Variants in SHANK2 observed in about 807,000 individuals in gnomAD.
SHANK2 encodes SH3 and multiple ankyrin repeat domains protein 2.
A neutral mutation model predicts 133.7 loss-of-function variants in SHANK2; 43 were observed. That is an observed-to-expected ratio of 0.32 (90% CI 0.25 to 0.41). The LOEUF is 0.41. Ranked by LOEUF, SHANK2 falls within the 10% of genes least tolerant of loss-of-function variation. The pLI, the probability that SHANK2 is intolerant of heterozygous loss-of-function variation, is 1.00. For synonymous variants in SHANK2, 1,017 were observed against 952.8 expected (o/e 1.07, Z -1.24); for missense variants, 1,994 against 2,235.8 (o/e 0.89, Z 2.18).
chr11:71,123,303 C>T (rs1287409638), intron 3 of SHANK2, among the ~76,000 whole-genome samples: 2 of 152,172 alleles, frequency 1.3e-5, no homozygotes, highest in African/African-American at 4.8e-5. Flanking sequence ...CTGAGGTCAC[C>T]ATTTGTAGTG....
At chr11:71,226,327 T>A (rs556794252) in intron 1 of SHANK2, among the ~76,000 whole-genome samples, 34 of 152,042 alleles carry the variant, frequency 2.2e-4, no homozygotes, top group African/African-American at 8.2e-4. Context: ...TATGGGACAA[T>A]AATAAAATAC....
chr11:70,876,757 G>A (rs1949572512), intron 11 of SHANK2, among the ~76,000 whole-genome samples: 1 of 152,146 alleles, frequency 6.6e-6, no homozygotes, highest in Non-Finnish European at 1.5e-5. Context: ...GGAAATAACA[G>A]GGCTGCTGCT....
At chr11:70,822,923 G>C (rs1387963587) in intron 11 of SHANK2, among the ~76,000 whole-genome samples, 20 of 31,418 alleles carry the variant, frequency 6.4e-4, no homozygotes, top group Admixed American at 1.7e-3. Context: ...ACTGGCAGAG[G>C]TCACGGGGGA....
At chr11:71,203,513 T>C (rs1239859862) in intron 2 of SHANK2, among the ~76,000 whole-genome samples, 2 of 151,970 alleles carry the variant, frequency 1.3e-5, no homozygotes, top group South Asian at 2.1e-4. Flanking sequence ...CCCAGGACAA[T>C]TGCTTGAACT....
intron 2 of SHANK2, among the ~76,000 whole-genome samples, chr11:71,169,154 G>C (rs1434976223): frequency 6.6e-6 from 1 of 152,222 alleles, no homozygotes; most frequent in Non-Finnish European, 1.5e-5. Context: ...GAGACACTTG[G>C]TTGGTTACAA....
At chr11:71,224,955 C>T (rs1452330735) in intron 1 of SHANK2, among the ~76,000 whole-genome samples, 159 bp from the exon 2 acceptor site, 2 of 152,314 alleles carry the variant, frequency 1.3e-5, no homozygotes, top group East Asian at 1.9e-4. Context: ...CTATTCCTCA[C>T]ACAAAGCACA....
At chr11:71,082,803 C>T (rs1479744704) in intron 8 of SHANK2, among the ~76,000 whole-genome samples, 7 of 152,282 alleles carry the variant, frequency 4.6e-5, no homozygotes, top group East Asian at 1.9e-4. Context: ...CATTTAAATG[C>T]GATAAATAAC....
intron 2 of SHANK2, among the ~76,000 whole-genome samples, chr11:71,158,070 C>T (rs1461333406): frequency 2.0e-5 from 3 of 152,128 alleles, no homozygotes; most frequent in African/African-American, 7.2e-5. Flanking sequence ...TTCCCAAACT[C>T]GAACAGAGCA....
rs546177273 is a variant in SHANK2, at chr11:70,540,163, T to G, written c.2062-37232A>C. ...ACTCTGAGGTAATGGGGGTTAGGGC[T>G]TCAACGTAAGAATCCAGGGGAACAC... On this transcript the variant is annotated intron_variant, in intron 17 of 25. Coordinates refer to ENST00000601538, the MANE Select transcript of SHANK2 (RefSeq NM_012309.5). Among the ~76,000 whole-genome samples the G allele has an allele frequency of 7.2e-5, 11 of 152,290 alleles. No individual in the cohort carries two copies. The South Asian group carries it at 2.3e-3, about 32-fold the overall frequency.
chr11:70,551,202 C>T (rs2059763261), intron 17 of SHANK2, among the ~76,000 whole-genome samples: 1 of 152,146 alleles, frequency 6.6e-6, no homozygotes, highest in Non-Finnish European at 1.5e-5. Flanking sequence ...CAGAAACTTC[C>T]CCTGGTGTTG....
At chr11:70,954,136 T>C (rs1950883468) in intron 10 of SHANK2, among the ~76,000 whole-genome samples, 1 of 152,214 alleles carries the variant, frequency 6.6e-6, no homozygotes, top group Non-Finnish European at 1.5e-5. Flanking sequence ...GCCATGACCT[T>C]GTTCCCACAT....
chr11:71,245,046 T>C (rs1954942812), intron 1 of SHANK2, among the ~76,000 whole-genome samples: 1 of 151,940 alleles, frequency 6.6e-6, no homozygotes, highest in Non-Finnish European at 1.5e-5. Context: ...AGTGGCGTGA[T>C]CACGGCTCAC....
In SHANK2 at chr11:71,143,218, G is replaced by A. The variant is rs149318360; in HGVS notation, c.207+3902C>T. On this transcript the variant is annotated intron_variant, in intron 3 of 25. Coordinates refer to ENST00000601538, the MANE Select transcript of SHANK2 (RefSeq NM_012309.5). Reference sequence around the variant, plus strand: ...CCACTGCACACCAGCCTGGGTGACAGGGTGAGACTCCATCTCAAAAAACAA... The same window carrying A: ...CCACTGCACACCAGCCTGGGTGACAAGGTGAGACTCCATCTCAAAAAACAA... Among the ~76,000 whole-genome samples the A allele has an allele frequency of 5.8e-4, 88 of 152,228 alleles. 1 individual carries two copies. The highest frequency in any genetic ancestry group is 2.0e-3 in the African/African-American group (83 of 41,510).
In SHANK2 at chr11:70,500,753, TC is replaced by T. The variant is rs1361791253; in HGVS notation, c.2288-164del. The T allele has an allele frequency of 1.1e-6, 1 of 924,790 alleles. No individual in the cohort carries two copies. The highest frequency in any genetic ancestry group is 1.7e-6 in the Non-Finnish European group (1 of 574,774). 57.3% of individuals were successfully genotyped at this position (924,790 alleles called of 1,614,324 possible). A position where few individuals can be genotyped will look rare whatever the true frequency, so the allele number is the denominator to read the frequency against. ...AACGCTGCGAACGCAGGCTGCGCTATCCATGGAGTGGCTTTCCCCAAACCTT... is the reference window on the plus strand; with the variant it reads ...AACGCTGCGAACGCAGGCTGCGCTATCATGGAGTGGCTTTCCCCAAACCTT... On this transcript the variant is annotated intron_variant, in intron 20 of 25. Coordinates refer to ENST00000601538, the MANE Select transcript of SHANK2 (RefSeq NM_012309.5). This position sits in a 1 kb window ranked among gnomAD's most constrained non-coding sequence, Gnocchi z 4.5.
Position 70,485,192 on chromosome 11 carries a change from C to T in SHANK2, c.4979+122G>A. On this transcript the variant is annotated intron_variant, in intron 25 of 25. Transcript: ENST00000601538. The surrounding 1 kb of genome is among the most constrained non-coding windows in gnomAD (Gnocchi z 5.8). ...AGTGTTACTGCATTAACAGACGTGG[C>T]CCACACAGGCTTTACGAATTCCCCT... 3 of 806,666 alleles carry T rather than the reference C, an allele frequency of 3.7e-6. No individual in the cohort carries two copies. In the East Asian group the frequency reaches 7.6e-5, roughly 21 times the overall value. The allele number at this position is 806,666 out of a possible 1,614,324, so 50.0% of individuals were successfully genotyped here.
intron 15 of SHANK2, among the ~76,000 whole-genome samples, chr11:70,688,266 T>G (rs1201668308): frequency 6.6e-6 from 1 of 152,162 alleles, no homozygotes; most frequent in Non-Finnish European, 1.5e-5. Context: ...CCAACTGCTT[T>G]CAGAGGGTCT....
rs2060637697 is a variant in SHANK2 at position 70,609,970 on chromosome 11, G to T, written c.2061+49858C>A. On this transcript the variant is annotated intron_variant, in intron 17 of 25. Coordinates refer to ENST00000601538, the MANE Select transcript of SHANK2 (RefSeq NM_012309.5). ...CCAGGCGTAAAAGGCCACATTCTGT[G>T]ATTTTATTTATAGGAAATATACGGA... 2.0e-5 allele frequency among the ~76,000 whole-genome samples: 3 copies of T among 152,216 alleles called. No homozygotes were observed. The South Asian group carries it at 6.2e-4, about 32-fold the overall frequency.
At chr11:70,515,653 A>AC (rs1258022900) in intron 17 of SHANK2, among the ~76,000 whole-genome samples, 1 of 150,588 alleles carries the variant, frequency 6.6e-6, no homozygotes, top group Admixed American at 6.6e-5. Flanking sequence ...AAAAAAAAAA[A>AC]AAAAAAACAT....
intron 14 of SHANK2, among the ~76,000 whole-genome samples, chr11:70,788,754 C>T (rs1318659598): frequency 6.6e-6 from 1 of 152,194 alleles, no homozygotes; most frequent in Admixed American, 6.5e-5. Context: ...GAGATTTAAA[C>T]TCCAAGTGTG....
Sources: gnomAD v4.1 joint callset for allele counts (sites outside exome capture counted in the v4.1 genomes callset) on GRCh38, gnomAD v4.1.1 for gene constraint, Gnocchi (gnomAD v3.1) non-coding constraint, MANE v1.5 for transcripts, NCBI Gene and HGNC (gene_info 2026-07-23, HGNC 2026-07-21) for gene names.